Variants in RPH3AL observed in about 807,000 individuals in gnomAD.
RPH3AL encodes the protein rab effector Noc2.
A neutral mutation model predicts 43.1 loss-of-function variants in RPH3AL; 38 were observed. The ratio of observed to expected loss-of-function variants is 0.88; its 90% CI spans 0.68 to 1.15. The LOEUF (loss-of-function observed/expected upper bound fraction) is 1.15. RPH3AL is among the 50% of genes most tolerant of loss of function. The pLI, the probability that RPH3AL is intolerant of heterozygous loss-of-function variation, is 0.00. For synonymous variants in RPH3AL, 189 were observed against 176.3 expected, an observed-to-expected ratio of 1.07 and a Z score of -0.57; for missense variants, 462 against 423.2, an observed-to-expected ratio of 1.09 and a Z score of -0.81.
At chr17:260,871 TCTC>T (rs2042181832) in intron 6 of RPH3AL, among the ~76,000 whole-genome samples, 1 of 151,554 alleles carries the variant, frequency 6.6e-6, no homozygotes, top group African/African-American at 2.4e-5. Context: ...CACACTAAGC[TCTC>T]CTTTTGGACA....
intron 5 of RPH3AL, among the ~76,000 whole-genome samples, chr17:314,766 T>C (rs74222731): frequency 0.02 from 784 of 39,934 alleles, 7 homozygotes; most frequent in African/African-American, 0.086. Context: ...ACCTGTAGTC[T>C]CTGTGACCCC....
intron 6 of RPH3AL, among the ~76,000 whole-genome samples, chr17:273,806 G>C (rs573182951): frequency 3.3e-5 from 5 of 152,372 alleles, no homozygotes; most frequent in African/African-American, 1.2e-4. Flanking sequence ...GTTATAATCA[G>C]GATGTGGCGG....
In RPH3AL at chr17:284,715, G is replaced by C. The variant is rs187778503; in HGVS notation, c.352-2861C>G. ...CGCCTTCCCCTATGCACACAGCCAA[G>C]GGGGAGAGGACAGCCTCTGCCCCAT... is the stretch of plus-strand genomic sequence containing the variant. On this transcript the variant is annotated intron_variant, in intron 5 of 9. Coordinates refer to ENST00000331302, the MANE Select transcript of RPH3AL (RefSeq NM_006987.4). 2.3e-4 allele frequency among the ~76,000 whole-genome samples: 35 copies of C among 152,308 alleles called. No homozygotes were observed. The East Asian group carries it at 5.4e-3, about 24-fold the overall frequency.
chr17:221,142 C>G (rs373329959), intron 7 of RPH3AL, among the ~76,000 whole-genome samples: 1 of 650 alleles, frequency 1.5e-3, no homozygotes, highest in African/African-American at 9.6e-3. Context: ...AGCTCTGAGG[C>G]CTCCACTCAC....
In RPH3AL at chr17:323,482, T is replaced by C. The variant is rs2044536029; in HGVS notation, c.78-2067A>G. Among the ~76,000 whole-genome samples, 1 of 152,092 alleles carries C rather than the reference T, an allele frequency of 6.6e-6. No homozygotes were observed. The highest frequency in any genetic ancestry group is 6.5e-5 in the Admixed American group (1 of 15,280). ...TATCCCCTCCACAACCCCTACCTACTGGTTTGTTCCATCTGAGCATTTCGG... is the reference window on the plus strand; with the variant it reads ...TATCCCCTCCACAACCCCTACCTACCGGTTTGTTCCATCTGAGCATTTCGG... On this transcript the variant is annotated intron_variant, in intron 3 of 9. Transcript: ENST00000331302. This position sits in a 1 kb window ranked among gnomAD's most constrained non-coding sequence, Gnocchi z 4.4.
intron 5 of RPH3AL, among the ~76,000 whole-genome samples, chr17:300,544 G>A (rs1427864546): frequency 6.7e-4 from 4 of 6,006 alleles, no homozygotes; most frequent in Admixed American, 2.4e-3. Flanking sequence ...TCTCTCACCC[G>A]GTCTAGCAGG....
At position 283,454 on chromosome 17, in the gene RPH3AL, AAAG is replaced by A. The variant is rs1216964210; in HGVS notation, c.352-1603_352-1601del. 2.0e-5 allele frequency among the ~76,000 whole-genome samples: 3 copies of A among 152,142 alleles called. No individual in the cohort carries two copies. Among genetic ancestry groups the A allele is most frequent in the Non-Finnish European group, 4.4e-5 (3 of 68,012 alleles). On this transcript the variant is annotated intron_variant, in intron 5 of 9. Transcript: ENST00000331302. The surrounding 1 kb of genome is among the most constrained non-coding windows in gnomAD (Gnocchi z 4.2). Reference sequence around the variant, plus strand: ...GAGAAATGTCACCTTTTATTTATCCAAAGAAAATGCAATCTGCTCCAAGCTCCT... The same window carrying A: ...GAGAAATGTCACCTTTTATTTATCCAAAAATGCAATCTGCTCCAAGCTCCT...
In RPH3AL at chr17:311,082, G is replaced by T. The variant is rs554058681; in HGVS notation, c.351+8338C>A. On this transcript the variant is annotated intron_variant, in intron 5 of 9. Coordinates refer to ENST00000331302, the MANE Select transcript of RPH3AL (RefSeq NM_006987.4). The stretch of plus-strand genomic sequence containing the variant: ...TCCCCTGAAAGACTCCTCTACACCT[G>T]CCCATTCACTGCTCAAATGCAGCTC... Among the ~76,000 whole-genome samples the T allele has an allele frequency of 1.7e-4, 26 of 151,856 alleles. No individual in the cohort carries two copies. The South Asian group carries it at 3.9e-3, about 23-fold the overall frequency.
chr17:269,023 CG>C (rs2042393748), intron 6 of RPH3AL, among the ~76,000 whole-genome samples: 1 of 152,098 alleles, frequency 6.6e-6, no homozygotes, highest in Non-Finnish European at 1.5e-5. Flanking sequence ...GGACTACAGG[CG>C]CCCGCCACCA....
chr17:219,362 C>A (rs1164820713), intron 8 of RPH3AL, among the ~76,000 whole-genome samples: 1 of 151,214 alleles, frequency 6.6e-6, no homozygotes, highest in Non-Finnish European at 1.5e-5. Flanking sequence ...CCACACCCAG[C>A]TAATTTTCAT....
chr17:265,917 C>A (rs527470966), intron 6 of RPH3AL, among the ~76,000 whole-genome samples: 13 of 152,342 alleles, frequency 8.5e-5, no homozygotes, highest in African/African-American at 1.2e-4. Context: ...GACTTCCACC[C>A]CACAGGGTGA....
chr17:317,838 G>C (rs906622972), intron 5 of RPH3AL, among the ~76,000 whole-genome samples: 2 of 152,110 alleles, frequency 1.3e-5, no homozygotes, highest in African/African-American at 4.8e-5. Context: ...TGGCCTGCAT[G>C]TTCCACATCC....
intron 5 of RPH3AL, among the ~76,000 whole-genome samples, chr17:293,083 C>T (rs748645098): frequency 6.6e-5 from 10 of 152,146 alleles, no homozygotes; most frequent in East Asian, 3.9e-4. Flanking sequence ...CCAAGGCTTC[C>T]GGCAGGCCCT....
At chr17:347,442 G>A (rs1018416443) in intron 1 of RPH3AL, among the ~76,000 whole-genome samples, 5 of 152,244 alleles carry the variant, frequency 3.3e-5, no homozygotes, top group Admixed American at 2.6e-4. Flanking sequence ...TGTTTAGCCA[G>A]GCGTGAGGGC....
rs138500449 is a variant in RPH3AL at position 219,589 on chromosome 17, C to T, written c.727+34G>A. ...TGCCCAGGCTGGAGTGCACCGTGCCCGGCCAATAAGCAGCATTTCACTCCC... is the reference window on the plus strand; with the variant it reads ...TGCCCAGGCTGGAGTGCACCGTGCCTGGCCAATAAGCAGCATTTCACTCCC... On this transcript the variant is annotated intron_variant, in intron 8 of 9. Transcript: ENST00000331302. 5.5e-4 allele frequency: 726 copies of T among 1,310,308 alleles called. 1 individual carries two copies. Among genetic ancestry groups the T allele is most frequent in the Middle Eastern group, 9.2e-4 (5 of 5,436 alleles). 81.2% of individuals were successfully genotyped at this position (1,310,308 alleles called of 1,614,324 possible). A position where few individuals can be genotyped will look rare whatever the true frequency, so the allele number is the denominator to read the frequency against.
At chr17:297,124 G>A (rs2043202909) in intron 5 of RPH3AL, among the ~76,000 whole-genome samples, 1 of 152,176 alleles carries the variant, frequency 6.6e-6, no homozygotes, top group African/African-American at 2.4e-5. Flanking sequence ...CCAAGACGTC[G>A]GGGCTTGGGG....
chr17:269,285 T>C (rs2042405541), intron 6 of RPH3AL, among the ~76,000 whole-genome samples: 1 of 152,206 alleles, frequency 6.6e-6, no homozygotes, highest in Non-Finnish European at 1.5e-5. Context: ...GTGCTGGGTG[T>C]GAGCCACCGT....
intron 6 of RPH3AL, among the ~76,000 whole-genome samples, chr17:272,287 T>C (rs1448924844): frequency 4.6e-5 from 7 of 152,116 alleles, no homozygotes; most frequent in African/African-American, 1.7e-4. Context: ...ATCATGCTGC[T>C]ATAAAGACAC....
intron 1 of RPH3AL, among the ~76,000 whole-genome samples, chr17:351,371 G>C (rs1432764714): frequency 6.6e-6 from 1 of 152,114 alleles, no homozygotes; most frequent in African/African-American, 2.4e-5. Context: ...CTCCTGAAAA[G>C]TTCAGAGGCC....
Sources: gnomAD v4.1 joint callset for allele counts (sites outside exome capture counted in the v4.1 genomes callset) on GRCh38, gnomAD v4.1.1 for gene constraint, Gnocchi (gnomAD v3.1) non-coding constraint, MANE v1.5 for transcripts, NCBI Gene and HGNC (gene_info 2026-07-23, HGNC 2026-07-21) for gene names.